Variants in DNAJC6 observed in about 807,000 individuals in gnomAD.
The protein encoded by DNAJC6 is DnaJ heat shock protein family (Hsp40) member C6, also known as auxilin.
DNAJC6 carries 34 observed loss-of-function variants against 110.0 expected under a neutral mutation model. That is an observed-to-expected ratio of 0.31 (90% CI 0.24 to 0.41). The LOEUF is 0.41. Ranked by LOEUF, DNAJC6 falls within the 10% of genes least tolerant of loss-of-function variation. DNAJC6 has a pLI of 1.00. For missense variants in DNAJC6, 1,031 were observed against 1,207.8 expected (o/e 0.85, Z 2.17); for synonymous variants, 406 against 437.2 (o/e 0.93, Z 0.89).
At position 65,413,351 on chromosome 1, in the gene DNAJC6, T is replaced by TC; in HGVS notation, c.*326_*327insC. 7 of 233,024 alleles carry TC rather than the reference T, an allele frequency of 3.0e-5. No individual in the cohort carries two copies. Among genetic ancestry groups the TC allele is most frequent in the South Asian group, 1.4e-4 (2 of 14,132 alleles). 14.4% of individuals were successfully genotyped at this position (233,024 alleles called of 1,614,324 possible). A position where few individuals can be genotyped will look rare whatever the true frequency, so the allele number is the denominator to read the frequency against. ...ACAGAGGCCACCACCCATGAAGGCA[T>TC]AACACCCATCACATTGTCTGAGAAT... is the stretch of plus-strand genomic sequence containing the variant. On this transcript the variant is annotated 3_prime_UTR_variant, in exon 19 of 19. Coordinates refer to ENST00000371069, the MANE Select transcript of DNAJC6 (RefSeq NM_001256864.2).
At chr1:65,282,704 G>T (rs768860333) in intron 1 of DNAJC6, among the ~76,000 whole-genome samples, 1 of 152,208 alleles carries the variant, frequency 6.6e-6, no homozygotes, top group Non-Finnish European at 1.5e-5. Flanking sequence ...GTGTCTCCTG[G>T]TGTTCCTAAG....
intron 15 of DNAJC6, 69 bp from the exon 16 acceptor site, chr1:65,405,801 T>A (rs1474777939): frequency 6.6e-7 from 1 of 1,510,638 alleles, no homozygotes; most frequent in African/African-American, 1.4e-5. Context: ...CTGCAAACAG[T>A]GTCTTAAGAC....
rs543186155 is a variant in DNAJC6 at position 65,384,259 on chromosome 1, C to G, written c.733C>G (p.Pro245Ala). The G allele has an allele frequency of 6.3e-7, 1 of 1,589,170 alleles. No individual in the cohort carries two copies. The highest frequency in any genetic ancestry group is 1.2e-5 in the South Asian group (1 of 86,674). Residue 245 changes from proline (P) to alanine (A), a missense_variant, in exon 6 of 19, where the codon CCT becomes GCT. Coordinates refer to ENST00000371069, the MANE Select transcript of DNAJC6 (RefSeq NM_001256864.2). Reference sequence around the variant, plus strand: ...CATTTTCTGTAATCTCTACTCTACTCCTGGCCCAGCCATTCGATTGCTATA... The same window carrying G: ...CATTTTCTGTAATCTCTACTCTACTGCTGGCCCAGCCATTCGATTGCTATA... ...MFIFCNLYST[P>A]GPAIRLLYAK...
chr1:65,290,284 G>C (rs10889535), intron 1 of DNAJC6, among the ~76,000 whole-genome samples: 97,453 of 151,994 alleles, frequency 0.64, 31,452 homozygotes, highest in East Asian at 0.79. Context: ...GTATGTATTG[G>C]AAAAATCTTC....
intron 2 of DNAJC6, 31 bp from the exon 3 acceptor site, chr1:65,365,854 T>C (rs763374752): frequency 6.2e-7 from 1 of 1,609,390 alleles, no homozygotes; most frequent in Non-Finnish European, 8.5e-7. Flanking sequence ...TGGATCATTT[T>C]AATGAGTGCC....
intron 1 of DNAJC6, among the ~76,000 whole-genome samples, chr1:65,273,323 G>T (rs1243266005): frequency 6.6e-6 from 1 of 152,138 alleles, no homozygotes; most frequent in African/African-American, 2.4e-5. Flanking sequence ...AGCCGGCCAG[G>T]CGTGGTGGCT....
At chr1:65,349,021 TACATATAA>T (rs1645463946) in intron 1 of DNAJC6, among the ~76,000 whole-genome samples, 1 of 145,522 alleles carries the variant, frequency 6.9e-6, no homozygotes. Flanking sequence ...TATATGTGAA[TACATATAA>T]ATATATGTAA....
At chr1:65,387,085 A>G (rs973244058) in intron 8 of DNAJC6, among the ~76,000 whole-genome samples, 156 bp downstream of exon 8, 1 of 152,182 alleles carries the variant, frequency 6.6e-6, no homozygotes, top group African/African-American at 2.4e-5. Flanking sequence ...CCTTCATCTT[A>G]CAGGGGAGGA....
At chr1:65,278,192 G>A (rs939143306) in intron 1 of DNAJC6, among the ~76,000 whole-genome samples, 1 of 152,130 alleles carries the variant, frequency 6.6e-6, no homozygotes, top group African/African-American at 2.4e-5. Context: ...CACTGCCAAT[G>A]TGTTCAGCCT....
chr1:65,404,414 A>C (rs1193466124), intron 15 of DNAJC6, among the ~76,000 whole-genome samples: 1 of 152,236 alleles, frequency 6.6e-6, no homozygotes, highest in Non-Finnish European at 1.5e-5. Context: ...CTCAGGCTCA[A>C]AGGAGTGAGT....
intron 1 of DNAJC6, among the ~76,000 whole-genome samples, chr1:65,274,879 G>A (rs778138486): frequency 6.6e-6 from 1 of 151,968 alleles, no homozygotes; most frequent in African/African-American, 2.4e-5. Flanking sequence ...TTACACATTT[G>A]TTTTCATTTT....
chr1:65,283,776 G>A (rs1460930039), intron 1 of DNAJC6, among the ~76,000 whole-genome samples: 4 of 152,170 alleles, frequency 2.6e-5, no homozygotes, highest in Non-Finnish European at 5.9e-5. Context: ...AACCATTATT[G>A]TATGAGTGAT....
chr1:65,273,452 A>T (rs922085440), intron 1 of DNAJC6, among the ~76,000 whole-genome samples: 1 of 152,086 alleles, frequency 6.6e-6, no homozygotes. Context: ...TACAAGTATT[A>T]GTTGAGCACG....
chr1:65,307,854 T>G (rs570231896), upstream of DNAJC6, among the ~76,000 whole-genome samples: 2 of 152,350 alleles, frequency 1.3e-5, no homozygotes, highest in South Asian at 4.1e-4. Flanking sequence ...CCATTCAGAT[T>G]GTTTGATCTT....
intron 1 of DNAJC6, among the ~76,000 whole-genome samples, chr1:65,324,690 AAGCT>A (rs1382792191): frequency 6.6e-6 from 1 of 152,146 alleles, no homozygotes; most frequent in Non-Finnish European, 1.5e-5. Context: ...GTTTGTTTAA[AAGCT>A]AGTTCATGTA....
chr1:65,359,986 G>A (rs1645582992), intron 1 of DNAJC6, among the ~76,000 whole-genome samples: 1 of 152,182 alleles, frequency 6.6e-6, no homozygotes, highest in South Asian at 2.1e-4. Context: ...AAAACAGGCC[G>A]TGGACTGGAT....
chr1:65,380,373 A>G (rs935568437), intron 5 of DNAJC6, among the ~76,000 whole-genome samples: 4 of 152,230 alleles, frequency 2.6e-5, no homozygotes, highest in African/African-American at 7.2e-5. Context: ...TTGCTATAGT[A>G]TTACTTGATG....
intron 15 of DNAJC6, 25 bp downstream of exon 15, chr1:65,401,905 C>A: frequency 1.2e-6 from 2 of 1,610,972 alleles, no homozygotes; most frequent in Middle Eastern, 3.3e-4. Flanking sequence ...GATCAAGATA[C>A]AAATAACATT....
intron 1 of DNAJC6, among the ~76,000 whole-genome samples, chr1:65,355,371 G>T (rs555649037): frequency 4.2e-4 from 64 of 152,058 alleles, no homozygotes; most frequent in Non-Finnish European, 8.8e-4. Flanking sequence ...AGCTGTGATG[G>T]TCTTGGATGC....
Sources: allele counts gnomAD v4.1 joint callset (sites outside exome capture counted in the v4.1 genomes callset), GRCh38; gene constraint gnomAD v4.1.1; transcripts MANE v1.5; gene names NCBI Gene and HGNC (gene_info 2026-07-23, HGNC 2026-07-21).